Variants in CNTN5 observed in about 807,000 individuals in gnomAD.
CNTN5 encodes the protein contactin 5, also known as contactin-5.
Under a neutral mutation model 129.1 loss-of-function variants are expected in CNTN5, and 77 were observed. The ratio of observed to expected loss-of-function variants is 0.60; its 90% CI spans 0.50 to 0.72. The LOEUF (loss-of-function observed/expected upper bound fraction) is 0.72. Ranked by LOEUF, CNTN5 falls within the 30% of genes least tolerant of loss-of-function variation. The pLI is 0.00. For missense variants in CNTN5, 1,478 were observed against 1,328.8 expected (o/e 1.11, Z -1.75); for synonymous variants, 509 against 465.6 (o/e 1.09, Z -1.20).
At chr11:99,925,294 T>G (rs1326321988) in intron 7 of CNTN5, among the ~76,000 whole-genome samples, 2 of 152,192 alleles carry the variant, frequency 1.3e-5, no homozygotes, top group Admixed American at 6.5e-5. Flanking sequence ...AAAGTGAGTA[T>G]TTGCAGACTA....
intron 2 of CNTN5, among the ~76,000 whole-genome samples, chr11:99,358,869 A>C (rs1388742644): frequency 1.3e-5 from 2 of 152,198 alleles, no homozygotes; most frequent in Admixed American, 1.3e-4. Context: ...TTATGTATGC[A>C]ATGATTGAAA....
intron 2 of CNTN5, among the ~76,000 whole-genome samples, chr11:99,403,452 GT>G (rs1285649390): frequency 6.6e-6 from 1 of 151,980 alleles, no homozygotes. Context: ...TTGGGAGATT[GT>G]TATTTGAAGT....
At chr11:100,046,659 C>G (rs1164217330) in intron 9 of CNTN5, among the ~76,000 whole-genome samples, 1 of 151,784 alleles carries the variant, frequency 6.6e-6, no homozygotes. Flanking sequence ...ATTCATTATT[C>G]TATTATCAGA....
At chr11:99,880,746 G>A (rs988471257) in intron 6 of CNTN5, among the ~76,000 whole-genome samples, 2 of 152,078 alleles carry the variant, frequency 1.3e-5, no homozygotes, top group African/African-American at 4.8e-5. Context: ...TCTCAGTGGA[G>A]AATTTCAAGG....
rs1862862966 is a variant in CNTN5 at position 99,021,378 on chromosome 11, C to T, written c.-210+108C>T. The T allele has an allele frequency of 2.0e-5, 3 of 152,198 alleles. No homozygotes were observed. In the South Asian group the frequency reaches 6.2e-4, roughly 31 times the overall value. The allele number at this position is 152,198 out of a possible 1,614,324, so 9.4% of individuals were successfully genotyped here. A position where few individuals can be genotyped will look rare whatever the true frequency, so the allele number is the denominator to read the frequency against. On this transcript the variant is annotated intron_variant, in intron 1 of 24. Coordinates refer to ENST00000524871, the MANE Select transcript of CNTN5 (RefSeq NM_014361.4). The stretch of plus-strand genomic sequence containing the variant: ...ACTCTGTTCTGCAAAGCCATCCTTT[C>T]TTGCCATGTTGCCAGAATGTAAAAA...
intron 17 of CNTN5, among the ~76,000 whole-genome samples, chr11:100,265,443 G>C (rs1950283491): frequency 6.6e-6 from 1 of 151,964 alleles, no homozygotes; most frequent in South Asian, 2.1e-4. Flanking sequence ...AAGTCTCTCT[G>C]GAGCCACACC....
chr11:99,115,486 C>T (rs1246787364), intron 1 of CNTN5, among the ~76,000 whole-genome samples: 3 of 152,012 alleles, frequency 2.0e-5, no homozygotes, highest in Admixed American at 6.6e-5. Flanking sequence ...TGGCCGGGTG[C>T]GGTGGCTCAT....
intron 18 of CNTN5, among the ~76,000 whole-genome samples, chr11:100,274,766 A>G (rs1950473359): frequency 6.6e-6 from 1 of 152,254 alleles, no homozygotes. Context: ...GAGAAAAAAG[A>G]ACACTTATAC....
chr11:99,921,345 C>T (rs1358612210), intron 7 of CNTN5, among the ~76,000 whole-genome samples: 1 of 152,204 alleles, frequency 6.6e-6, no homozygotes, highest in African/African-American at 2.4e-5. Context: ...TCTCAAACAA[C>T]CAGACAAGCT....
At chr11:99,624,384 C>T (rs1355797787) in intron 3 of CNTN5, among the ~76,000 whole-genome samples, 1 of 151,942 alleles carries the variant, frequency 6.6e-6, no homozygotes, top group Non-Finnish European at 1.5e-5. Flanking sequence ...TAGAAGCTGT[C>T]CTTCTAATTG....
rs552079719 is a variant in CNTN5, at chr11:99,858,108, A to G, written c.577+12846A>G. Among the ~76,000 whole-genome samples the G allele has an allele frequency of 5.3e-5, 8 of 152,212 alleles. No individual in the cohort carries two copies. In the South Asian group the frequency reaches 1.7e-3, roughly 32 times the overall value. On this transcript the variant is annotated intron_variant, in intron 6 of 24. Coordinates refer to ENST00000524871, the MANE Select transcript of CNTN5 (RefSeq NM_014361.4). ...ATCTTGTTTTCCAGGCAATTATAAG[A>G]AAAAAATGAAAGTGTTTATGTCACG... is the stretch of plus-strand genomic sequence containing the variant.
intron 18 of CNTN5, among the ~76,000 whole-genome samples, chr11:100,276,350 G>T (rs2138800864): frequency 6.6e-6 from 1 of 151,996 alleles, no homozygotes; most frequent in East Asian, 1.9e-4. Context: ...GACCAGCCTG[G>T]CCAACATGGC....
chr11:99,247,097 C>T, intron 1 of CNTN5, among the ~76,000 whole-genome samples: 1 of 152,084 alleles, frequency 6.6e-6, no homozygotes, highest in East Asian at 1.9e-4. Flanking sequence ...TTCTGTGTGT[C>T]TGGCCCTGTT....
At chr11:99,979,862 C>A (rs75152609) in intron 8 of CNTN5, among the ~76,000 whole-genome samples, 1 of 152,296 alleles carries the variant, frequency 6.6e-6, no homozygotes, top group East Asian at 1.9e-4. Flanking sequence ...GACTCTGAAG[C>A]CGGACTTCCT....
rs555635498 is a variant in CNTN5, at chr11:99,031,475, A to G, written c.-210+10205A>G. ...CAGATAAGAATATTTTCTTTCAAAA[A>G]GGTATGAGAAAAATTTATTGGGTCT... On this transcript the variant is annotated intron_variant, in intron 1 of 24. Coordinates refer to ENST00000524871, the MANE Select transcript of CNTN5 (RefSeq NM_014361.4). Among the ~76,000 whole-genome samples the G allele has an allele frequency of 2.0e-5, 3 of 152,236 alleles. No homozygotes were observed. The South Asian group carries it at 6.2e-4, about 32-fold the overall frequency.
chr11:99,112,031 T>A (rs1477236934), intron 1 of CNTN5, among the ~76,000 whole-genome samples: 1 of 152,082 alleles, frequency 6.6e-6, no homozygotes, highest in Non-Finnish European at 1.5e-5. Flanking sequence ...GTCATCAAAA[T>A]TATTTTAATA....
chr11:99,339,044 G>A (rs1049395123), intron 2 of CNTN5, among the ~76,000 whole-genome samples: 1 of 148,084 alleles, frequency 6.8e-6, no homozygotes, highest in Admixed American at 6.7e-5. Flanking sequence ...CATTTTATTA[G>A]TCCTTATCCC....
At chr11:100,029,305 G>A (rs528239144) in intron 9 of CNTN5, among the ~76,000 whole-genome samples, 42 of 152,294 alleles carry the variant, frequency 2.8e-4, no homozygotes, top group Admixed American at 1.8e-3. Context: ...CTAATTGGCC[G>A]GGCGCGGTGG....
chr11:99,476,943 A>G (rs1328609489), intron 2 of CNTN5, among the ~76,000 whole-genome samples: 2 of 151,850 alleles, frequency 1.3e-5, no homozygotes. Flanking sequence ...TATAGATGCC[A>G]CCCTATGCTT....
Sources: gnomAD v4.1 joint callset for allele counts (sites outside exome capture counted in the v4.1 genomes callset) on GRCh38, gnomAD v4.1.1 for gene constraint, MANE v1.5 for transcripts, NCBI Gene and HGNC (gene_info 2026-07-23, HGNC 2026-07-21) for gene names.